GNA11: variants seen among roughly 807,000 people sequenced by gnomAD.
The protein encoded by GNA11 is guanine nucleotide-binding protein subunit alpha-11.
In GNA11, 8 loss-of-function variants were observed where a neutral mutation model predicts 38.2. The observed-to-expected ratio is 0.21, with a 90% CI of 0.12 to 0.38. GNA11 has a LOEUF of 0.38. Ranked by LOEUF, GNA11 falls within the 10% of genes least tolerant of loss-of-function variation. The probability of loss-of-function intolerance (pLI) is 1.00; values close to 1 mark genes in which losing one functional copy is unlikely to be tolerated. For synonymous variants in GNA11, 211 were observed against 221.4 expected (o/e 0.95, Z 0.42); for missense variants, 268 against 516.3 (o/e 0.52, Z 4.66).
intron 2 of GNA11, among the ~76,000 whole-genome samples, chr19:3,111,231 C>T (rs1234149089): frequency 2.0e-5 from 3 of 151,928 alleles, no homozygotes; most frequent in Non-Finnish European, 2.9e-5. Context: ...TGGTGGTTTT[C>T]GATATGTTTG....
chr19:3,115,127 G>C (rs926240701), intron 4 of GNA11, 55 bp downstream of exon 4: 1 of 1,579,434 alleles, frequency 6.3e-7, no homozygotes, highest in Non-Finnish European at 8.6e-7. Flanking sequence ...TCATTTGCCC[G>C]GTGTGCCGGC....
chr19:3,094,826 C>T lies in GNA11; in HGVS notation c.136+39C>T, dbSNP rs1250173232. 3 of 1,457,690 alleles carry T rather than the reference C, an allele frequency of 2.1e-6. No homozygotes were observed. Among genetic ancestry groups the T allele is most frequent in the Admixed American group, 2.2e-5 (1 of 46,154 alleles). 90.3% of individuals were successfully genotyped at this position (1,457,690 alleles called of 1,614,324 possible). The stretch of plus-strand genomic sequence containing the variant: ...CCGGGCCTGCCGGCTGCGGGCCCTG[C>T]CCTGCCTGTGCCTGCCCTGCCTGTC... On this transcript the variant is annotated intron_variant, in intron 1 of 6. Transcript: ENST00000078429. This position sits in a 1 kb window ranked among gnomAD's most constrained non-coding sequence, Gnocchi z 6.0.
In GNA11 at chr19:3,121,468, AAAG is replaced by A. The variant is rs765832236; in HGVS notation, c.*292_*294del. ...TCGCTTTTTTCTAAAAAAAAAAAAA[AAAG>A]AAAGAAAGAAAAAAAGCAACGAAAC... is the stretch of plus-strand genomic sequence containing the variant. On this transcript the variant is annotated 3_prime_UTR_variant, in exon 7 of 7. Transcript: ENST00000078429. The A allele has an allele frequency of 0.14, 34,945 of 247,016 alleles. 2,611 individuals are homozygous for A. The highest frequency in any genetic ancestry group is 0.21 in the Admixed American group (3,793 of 17,944). The allele number at this position is 247,016 out of a possible 1,614,324, so 15.3% of individuals were successfully genotyped here.
chr19:3,095,796 TC>T (rs1387896545), intron 1 of GNA11, among the ~76,000 whole-genome samples: 1 of 151,420 alleles, frequency 6.6e-6, no homozygotes, highest in African/African-American at 2.4e-5. Context: ...CCACGCTGAG[TC>T]CTCGTTGAGA....
At chr19:3,099,072 G>A (rs1394863112) in intron 1 of GNA11, among the ~76,000 whole-genome samples, 1 of 152,186 alleles carries the variant, frequency 6.6e-6, no homozygotes, top group African/African-American at 2.4e-5. Flanking sequence ...ATTTAACCAC[G>A]AGAGGTTTCA....
rs1032860792 is a variant in GNA11 at position 3,122,690 on chromosome 19, G to T, written c.*1511G>T. The T allele has an allele frequency of 4.3e-6, 1 of 233,640 alleles. No homozygotes were observed. Among genetic ancestry groups the T allele is most frequent in the Non-Finnish European group, 8.4e-6 (1 of 118,378 alleles). 14.5% of individuals were successfully genotyped at this position (233,640 alleles called of 1,614,324 possible). A position where few individuals can be genotyped will look rare whatever the true frequency, so the allele number is the denominator to read the frequency against. ...TGCTGCCTTCGCCCGCCGCCACACC[G>T]GGACCCTGCACGGCTGCTTCTGGCC... On this transcript the variant is annotated 3_prime_UTR_variant, in exon 7 of 7. Coordinates refer to ENST00000078429, the MANE Select transcript of GNA11 (RefSeq NM_002067.5). The surrounding 1 kb of genome is among the most constrained non-coding windows in gnomAD (Gnocchi z 7.7).
Position 3,120,855 on chromosome 19 carries a change from A to G in GNA11, c.890-134A>G, listed in dbSNP as rs771357526. ...GGAGGGGAGCTGCGGCCCGTCAGGCATGCAGTGGGCTGGGGGTCGAGCTGG... is the reference window on the plus strand; with the variant it reads ...GGAGGGGAGCTGCGGCCCGTCAGGCGTGCAGTGGGCTGGGGGTCGAGCTGG... On this transcript the variant is annotated intron_variant, in intron 6 of 6. Coordinates refer to ENST00000078429, the MANE Select transcript of GNA11 (RefSeq NM_002067.5). This position sits in a 1 kb window ranked among gnomAD's most constrained non-coding sequence, Gnocchi z 5.9. 1.3e-4 allele frequency: 80 copies of G among 624,578 alleles called. No homozygotes were observed. The highest frequency in any genetic ancestry group is 2.1e-4 in the Non-Finnish European group (76 of 356,274). 38.7% of individuals were successfully genotyped at this position (624,578 alleles called of 1,614,324 possible). A position where few individuals can be genotyped will look rare whatever the true frequency, so the allele number is the denominator to read the frequency against.
rs1444263678 is a variant in GNA11 at position 3,119,312 on chromosome 19, A to C, written c.842A>C (p.Asp281Ala). 6.2e-7 allele frequency: 1 copy of C among 1,613,904 alleles called. No individual in the cohort carries two copies. Residue 281 changes from aspartate to alanine, a missense_variant, in exon 6 of 7, where the codon GAC becomes GCC. By Grantham distance (126) the Asp-to-Ala change is moderately radical. Coordinates refer to ENST00000078429, the MANE Select transcript of GNA11 (RefSeq NM_002067.5). This position sits in a 1 kb window ranked among gnomAD's most constrained non-coding sequence, Gnocchi z 4.6. ...LFLNKKDLLE[D>A]KILYSHLVDY... ...CTCAACAAGAAGGACCTGCTGGAGG[A>C]CAAGATCCTGTACTCGCACCTGGTG... is the stretch of plus-strand genomic sequence containing the variant.
At chr19:3,116,377 G>T (rs149934325) in intron 4 of GNA11, among the ~76,000 whole-genome samples, 3 of 152,188 alleles carry the variant, frequency 2.0e-5, no homozygotes, top group Non-Finnish European at 4.4e-5. Context: ...TGAGATGCAG[G>T]TGTGGGCCGG....
chr19:3,095,996 C>CGAGCTCCTAGGT (rs1410806561), intron 1 of GNA11, among the ~76,000 whole-genome samples: 9 of 152,156 alleles, frequency 5.9e-5, no homozygotes, highest in Non-Finnish European at 1.2e-4. Flanking sequence ...CCTGCCCTCC[C>CGAGCTCCTAGGT]GAGCTCCTAG....
chr19:3,122,458 G>A lies in GNA11; in HGVS notation c.*1279G>A, dbSNP rs567936510. 4 of 231,436 alleles carry A rather than the reference G, an allele frequency of 1.7e-5. No individual in the cohort carries two copies. Among genetic ancestry groups the A allele is most frequent in the East Asian group, 6.1e-5 (1 of 16,452 alleles). 14.3% of individuals were successfully genotyped at this position (231,436 alleles called of 1,614,324 possible). ...CCCGAGGGGGAGCCCGCCAGGCCAC[G>A]CCGCACTGAGCCACAGCCCCGGGGG... On this transcript the variant is annotated 3_prime_UTR_variant, in exon 7 of 7. Coordinates refer to ENST00000078429, the MANE Select transcript of GNA11 (RefSeq NM_002067.5). This position sits in a 1 kb window ranked among gnomAD's most constrained non-coding sequence, Gnocchi z 7.7.
intron 4 of GNA11, among the ~76,000 whole-genome samples, chr19:3,115,662 C>T (rs567043603): frequency 1.4e-5 from 2 of 145,376 alleles, no homozygotes; most frequent in South Asian, 2.2e-4. Flanking sequence ...GAGTGCTGGC[C>T]GGAGCAGGGG....
intron 1 of GNA11, among the ~76,000 whole-genome samples, chr19:3,107,624 GC>G (rs1265289339): frequency 6.6e-6 from 1 of 152,188 alleles, no homozygotes; most frequent in Non-Finnish European, 1.5e-5. Flanking sequence ...TTTTGTAATA[GC>G]ATTTTGTTAG....
rs367847109 is a variant in GNA11 at position 3,120,944 on chromosome 19, C to T, written c.890-45C>T. The T allele has an allele frequency of 1.4e-5, 21 of 1,499,946 alleles. No individual in the cohort carries two copies. The Admixed American group carries it at 2.4e-4, about 17-fold the overall frequency. The allele number at this position is 1,499,946 out of a possible 1,614,324, so 92.9% of individuals were successfully genotyped here. On this transcript the variant is annotated intron_variant, in intron 6 of 6. Transcript: ENST00000078429. This position sits in a 1 kb window ranked among gnomAD's most constrained non-coding sequence, Gnocchi z 5.9. The stretch of plus-strand genomic sequence containing the variant: ...ACAAAGGGGCCCACGAGTCCCTTGC[C>T]CTGGGCCGGGCTGGGGCACAGCCTC...
At position 3,115,190 on chromosome 19, in the gene GNA11, G is replaced by A. The variant is rs921939573; in HGVS notation, c.605+118G>A. ...AGGCCAAGGCGGGAGGATCGCCTGA[G>A]TCCAGGAGTTTGAGACCACCCTGGG... On this transcript the variant is annotated intron_variant, in intron 4 of 6. Coordinates refer to ENST00000078429, the MANE Select transcript of GNA11 (RefSeq NM_002067.5). 20 of 1,225,134 alleles carry A rather than the reference G, an allele frequency of 1.6e-5. No homozygotes were observed. In the African/African-American group the frequency reaches 2.7e-4, roughly 17 times the overall value. 75.9% of individuals were successfully genotyped at this position (1,225,134 alleles called of 1,614,324 possible).
intron 1 of GNA11, among the ~76,000 whole-genome samples, chr19:3,103,275 GCAGT>G (rs1001094862): frequency 9.3e-5 from 14 of 150,912 alleles, no homozygotes; most frequent in Non-Finnish European, 1.8e-4. Flanking sequence ...GTGCAGTGGT[GCAGT>G]CTTGGCTCAC....
chr19:3,117,951 A>G (rs1250089142), intron 4 of GNA11: 2 of 152,266 alleles, frequency 1.3e-5, no homozygotes, highest in Non-Finnish European at 2.9e-5. Flanking sequence ...CTCGCGCTCC[A>G]GACGGGCTGT....
Position 3,122,493 on chromosome 19 carries a change from G to C in GNA11, c.*1314G>C. 4.3e-6 allele frequency: 1 copy of C among 231,862 alleles called. No homozygotes were observed. The highest frequency in any genetic ancestry group is 8.5e-6 in the Non-Finnish European group (1 of 117,110). The allele number at this position is 231,862 out of a possible 1,614,324, so 14.4% of individuals were successfully genotyped here. On this transcript the variant is annotated 3_prime_UTR_variant, in exon 7 of 7. Coordinates refer to ENST00000078429, the MANE Select transcript of GNA11 (RefSeq NM_002067.5). The surrounding 1 kb of genome is among the most constrained non-coding windows in gnomAD (Gnocchi z 7.7). ...GCCACAGCCCCGGGGGCCGCCTCCC[G>C]GGGCCCCTTGAGGCACTGAGGCACC... is the stretch of plus-strand genomic sequence containing the variant.
In GNA11 at chr19:3,123,844, C is replaced by T. The variant is rs140467770; in HGVS notation, c.*2665C>T. 6 of 232,412 alleles carry T rather than the reference C, an allele frequency of 2.6e-5. No homozygotes were observed. The highest frequency in any genetic ancestry group is 6.6e-5 in the African/African-American group (3 of 45,416). The allele number at this position is 232,412 out of a possible 1,614,324, so 14.4% of individuals were successfully genotyped here. ...CCATTTGAAATGCATGTGTTGTGCGCGTTGGGGATGGGAGGAGGGGCTGAG... is the reference window on the plus strand; with the variant it reads ...CCATTTGAAATGCATGTGTTGTGCGTGTTGGGGATGGGAGGAGGGGCTGAG... On this transcript the variant is annotated 3_prime_UTR_variant, in exon 7 of 7. Transcript: ENST00000078429.
Sources: allele counts gnomAD v4.1 joint callset (sites outside exome capture counted in the v4.1 genomes callset), GRCh38; gene constraint gnomAD v4.1.1; non-coding constraint Gnocchi (gnomAD v3.1); transcripts MANE v1.5; gene names NCBI Gene and HGNC (gene_info 2026-07-23, HGNC 2026-07-21).